RLN2: variants seen among roughly 807,000 people sequenced by gnomAD.
RLN2 encodes the protein prorelaxin H2.
A neutral mutation model predicts 7.3 loss-of-function variants in RLN2; 10 were observed. That is an observed-to-expected ratio of 1.36 (90% CI 0.84 to 2.31). The LOEUF is 2.31. RLN2 is among the 30% of genes most tolerant of loss of function. The probability of loss-of-function intolerance (pLI) is 0.00; values close to 1 mark genes in which losing one functional copy is unlikely to be tolerated. For missense variants in RLN2, 298 were observed against 217.6 expected (o/e 1.37, Z -2.32); for synonymous variants, 103 against 82.3 (o/e 1.25, Z -1.36).
At chr9:5,329,992 T>C in the RLN2 span, among the ~76,000 whole-genome samples, 9 of 151,984 alleles carry the variant, frequency 5.9e-5, no homozygotes, top group Admixed American at 1.3e-4. Context: ...TATTATAAAA[T>C]TGACCACATA....
upstream of RLN2, among the ~76,000 whole-genome samples, chr9:5,307,260 AGATAGATAGAG>A (rs1404600956): frequency 8.6e-6 from 1 of 116,162 alleles, no homozygotes; most frequent in Admixed American, 9.8e-5. Flanking sequence ...GATGATAGAT[AGATAGATAGAG>A]GATAGATAGA....
At chr9:5,321,182 T>A in the RLN2 span, among the ~76,000 whole-genome samples, 6 of 152,238 alleles carry the variant, frequency 3.9e-5, no homozygotes, top group Admixed American at 3.9e-4. Context: ...GCAAATATTT[T>A]AGTGGTAAGT....
At chr9:5,334,271 T>C in the RLN2 span, among the ~76,000 whole-genome samples, 8 of 152,176 alleles carry the variant, frequency 5.3e-5, no homozygotes, top group Middle Eastern at 3.4e-3. Context: ...GAAAACCCAA[T>C]TGACTCAGCC....
chr9:5,319,572 G>A, the RLN2 span, among the ~76,000 whole-genome samples: 2 of 151,926 alleles, frequency 1.3e-5, no homozygotes, highest in African/African-American at 4.8e-5. Context: ...ACTTTTACTA[G>A]GGTTTGGGTA....
chr9:5,324,022 G>T, the RLN2 span, among the ~76,000 whole-genome samples: 1,125 of 151,890 alleles, frequency 7.4e-3, 12 homozygotes, highest in African/African-American at 0.026. Context: ...ACTCCAGTCT[G>T]GGCAACAGAG....
At chr9:5,332,774 C>T in the RLN2 span, among the ~76,000 whole-genome samples, 1 of 151,844 alleles carries the variant, frequency 6.6e-6, no homozygotes, top group Non-Finnish European at 1.5e-5. Flanking sequence ...CACCACCACT[C>T]CTGGCTAATT....
chr9:5,330,137 G>A, the RLN2 span, among the ~76,000 whole-genome samples: 55 of 152,092 alleles, frequency 3.6e-4, 1 homozygote, highest in African/African-American at 1.3e-3. Context: ...CATGGAAACT[G>A]AACAACCTGC....
chr9:5,320,078 C>T, the RLN2 span, among the ~76,000 whole-genome samples: 239 of 151,252 alleles, frequency 1.6e-3, 3 homozygotes, highest in African/African-American at 5.3e-3. Context: ...CTCTGCCTCC[C>T]GGATTCAAGC....
At chr9:5,318,315 A>T in the RLN2 span, among the ~76,000 whole-genome samples, 1 of 152,072 alleles carries the variant, frequency 6.6e-6, no homozygotes, top group Non-Finnish European at 1.5e-5. Context: ...AAGTAACAAG[A>T]AATAGCTGGT....
chr9:5,327,599 C>T, the RLN2 span, among the ~76,000 whole-genome samples: 2 of 152,066 alleles, frequency 1.3e-5, no homozygotes, highest in Non-Finnish European at 2.9e-5. Context: ...CAGACTGCCT[C>T]CTCAAGCAGG....
the RLN2 span, among the ~76,000 whole-genome samples, chr9:5,326,657 T>C: frequency 6.6e-6 from 1 of 152,078 alleles, no homozygotes; most frequent in East Asian, 1.9e-4. Context: ...CTGATTTATG[T>C]CAAATAGTGA....
At chr9:5,336,352 C>T in the RLN2 span, among the ~76,000 whole-genome samples, 2 of 152,016 alleles carry the variant, frequency 1.3e-5, no homozygotes, top group Non-Finnish European at 2.9e-5. Flanking sequence ...TCCAAGGCTG[C>T]AGATCATGCA....
chr9:5,329,281 G>T, the RLN2 span, among the ~76,000 whole-genome samples: 2 of 132,598 alleles, frequency 1.5e-5, no homozygotes, highest in Non-Finnish European at 3.1e-5. Context: ...CCGCAGTCCG[G>T]CCTGGGCGAC....
chr9:5,310,338 G>C, the RLN2 span, among the ~76,000 whole-genome samples: 1,599 of 151,984 alleles, frequency 0.011, 47 homozygotes, highest in African/African-American at 0.036. Context: ...TTTGTGTGTA[G>C]GACTTTTTGT....
chr9:5,308,504 G>C (rs1301375707), upstream of RLN2, among the ~76,000 whole-genome samples: 2 of 151,926 alleles, frequency 1.3e-5, no homozygotes, highest in South Asian at 2.1e-4. Flanking sequence ...GTTATGCTGG[G>C]CATTGGCTCT....
chr9:5,300,751 GA>G (rs1443178154), intron 1 of RLN2, among the ~76,000 whole-genome samples: 1 of 152,134 alleles, frequency 6.6e-6, no homozygotes, highest in Non-Finnish European at 1.5e-5. Flanking sequence ...TCATCTTTCT[GA>G]AGTCATGTAA....
the RLN2 span, among the ~76,000 whole-genome samples, chr9:5,330,174 G>C: frequency 6.6e-6 from 1 of 152,012 alleles, no homozygotes; most frequent in Non-Finnish European, 1.5e-5. Context: ...GGTAAGTAAC[G>C]AAATGAAGGC....
the RLN2 span, among the ~76,000 whole-genome samples, chr9:5,326,610 G>GTTGT: frequency 6.6e-6 from 1 of 152,014 alleles, no homozygotes; most frequent in Non-Finnish European, 1.5e-5. Context: ...GGGGACAAGG[G>GTTGT]GGGAGGGCAT....
the RLN2 span, among the ~76,000 whole-genome samples, chr9:5,328,924 T>C: frequency 6.6e-6 from 1 of 151,964 alleles, no homozygotes; most frequent in African/African-American, 2.4e-5. Flanking sequence ...CGAGATTTCC[T>C]GAAGGAAGCA....
Sources: allele counts gnomAD v4.1 joint callset (sites outside exome capture counted in the v4.1 genomes callset), GRCh38; gene constraint gnomAD v4.1.1; transcripts MANE v1.5; gene names NCBI Gene and HGNC (gene_info 2026-07-23, HGNC 2026-07-21).